The following AQP1 variants were observed in gnomAD, a reference collection of about 807,000 sequenced individuals.
The protein encoded by AQP1 is aquaporin-1.
AQP1 carries 11 observed loss-of-function variants against 19.7 expected under a neutral mutation model. The ratio of observed to expected loss-of-function variants is 0.56; its 90% CI spans 0.35 to 0.92. AQP1 has a LOEUF of 0.92. Among genes scored for constraint, AQP1 ranks in the 40% least tolerant of loss-of-function variants. AQP1 has a pLI of 0.01. For missense variants in AQP1, 320 were observed against 369.7 expected, an observed-to-expected ratio of 0.87 and a Z score of 1.10; for synonymous variants, 159 against 166.7, an observed-to-expected ratio of 0.95 and a Z score of 0.36.
At chr7:30,917,336 C>T (rs1457412894) in intron 1 of AQP1, among the ~76,000 whole-genome samples, 3 of 152,168 alleles carry the variant, frequency 2.0e-5, no homozygotes, top group Admixed American at 6.5e-5. Context: ...GGGGATTCCT[C>T]AATGGAGCCT....
rs1239350958 is a variant in AQP1 at position 30,912,638 on chromosome 7, A to G, written c.384+345A>G. ...CCTTCTCAGTCCTGCCTGTGCCGCCAGCTCCCTCCTCCTGCAGCCCTGCAC... is the reference window on the plus strand; with the variant it reads ...CCTTCTCAGTCCTGCCTGTGCCGCCGGCTCCCTCCTCCTGCAGCCCTGCAC... On this transcript the variant is annotated intron_variant, in intron 1 of 3. Coordinates refer to ENST00000311813, the MANE Select transcript of AQP1 (RefSeq NM_198098.4). The surrounding 1 kb of genome is among the most constrained non-coding windows in gnomAD (Gnocchi z 4.3). 6.6e-6 allele frequency among the ~76,000 whole-genome samples: 1 copy of G among 152,044 alleles called. No individual in the cohort carries two copies. Among genetic ancestry groups the G allele is most frequent in the African/African-American group, 2.4e-5 (1 of 41,390 alleles).
At position 30,924,057 on chromosome 7, in the gene AQP1, C is replaced by T. The variant is rs1269580658; in HGVS notation, c.*428C>T. On this transcript the variant is annotated 3_prime_UTR_variant, in exon 4 of 4. Coordinates refer to ENST00000311813, the MANE Select transcript of AQP1 (RefSeq NM_198098.4). The stretch of plus-strand genomic sequence containing the variant: ...GCCCTCCTTCTTTTCCTAACATGCA[C>T]CTTGCTCCCAATGGTGCTTGGAGGG... 4 of 1,252,788 alleles carry T rather than the reference C, an allele frequency of 3.2e-6. No homozygotes were observed. The highest frequency in any genetic ancestry group is 2.8e-5 in the South Asian group (2 of 72,690). 77.6% of individuals were successfully genotyped at this position (1,252,788 alleles called of 1,614,324 possible).
Position 30,912,994 on chromosome 7 carries a change from G to A in AQP1, c.384+701G>A, listed in dbSNP as rs1041479179. The stretch of plus-strand genomic sequence containing the variant: ...GGCGTGTGTGTGCATGTGCGTGTGC[G>A]TGTGTGTGTGTGAAGGTGTGTATGT... On this transcript the variant is annotated intron_variant, in intron 1 of 3. Transcript: ENST00000311813. This position sits in a 1 kb window ranked among gnomAD's most constrained non-coding sequence, Gnocchi z 4.3. Among the ~76,000 whole-genome samples, 3 of 151,596 alleles carry A rather than the reference G, an allele frequency of 2.0e-5. No homozygotes were observed. The highest frequency in any genetic ancestry group is 6.6e-5 in the Admixed American group (1 of 15,222).
rs532921488 is a variant in AQP1 at position 30,920,017 on chromosome 7, G to A, written c.385-2049G>A. ...CCCCTTCCCAAGGACTCAGAGTACA[G>A]GGCCTGGAACTATCACCCTCTGCTC... On this transcript the variant is annotated intron_variant, in intron 1 of 3. Coordinates refer to ENST00000311813, the MANE Select transcript of AQP1 (RefSeq NM_198098.4). 1.2e-4 allele frequency among the ~76,000 whole-genome samples: 18 copies of A among 152,272 alleles called. No homozygotes were observed. In the East Asian group the frequency reaches 2.5e-3, roughly 21 times the overall value.
chr7:30,921,517 G>A lies in AQP1; in HGVS notation c.385-549G>A, dbSNP rs976937684. On this transcript the variant is annotated intron_variant, in intron 1 of 3. Coordinates refer to ENST00000311813, the MANE Select transcript of AQP1 (RefSeq NM_198098.4). ...GAGGGTGGAGACAATAGGGAGGCAGGCACAGAGGAGAAAGAGGGGTGGAGG... is the reference window on the plus strand; with the variant it reads ...GAGGGTGGAGACAATAGGGAGGCAGACACAGAGGAGAAAGAGGGGTGGAGG... 2.5e-5 allele frequency: 38 copies of A among 1,512,616 alleles called. No individual in the cohort carries two copies. In the African/African-American group the frequency reaches 4.7e-4, roughly 19 times the overall value. 93.7% of individuals were successfully genotyped at this position (1,512,616 alleles called of 1,614,324 possible). A position where few individuals can be genotyped will look rare whatever the true frequency, so the allele number is the denominator to read the frequency against.
At position 30,912,106 on chromosome 7, in the gene AQP1, G is replaced by A; in HGVS notation, c.197G>A (p.Ser66Asn). The A allele has an allele frequency of 6.2e-7, 1 of 1,613,284 alleles. No homozygotes were observed. Among genetic ancestry groups the A allele is most frequent in the Non-Finnish European group, 8.5e-7 (1 of 1,180,038 alleles). The change falls in exon 1 of 4, where the codon AGT (serine) becomes AAT (asparagine). Residue 66 changes from serine (S) to asparagine (N), a missense_variant. Transcript: ENST00000311813. The surrounding 1 kb of genome is among the most constrained non-coding windows in gnomAD (Gnocchi z 4.3). ...CTGAGCATCGCCACGCTGGCGCAGA[G>A]TGTGGGCCACATCAGCGGCGCCCAC... is the stretch of plus-strand genomic sequence containing the variant. ...FGLSIATLAQ[S>N]VGHISGAHLN... is the part of the protein sequence containing the mutation.
Position 30,912,003 on chromosome 7 carries a change from G to T in AQP1, c.94G>T (p.Ala32Ser), listed in dbSNP as rs1193745061. 6.2e-7 allele frequency: 1 copy of T among 1,613,540 alleles called. No individual in the cohort carries two copies. The highest frequency in any genetic ancestry group is 8.5e-7 in the Non-Finnish European group (1 of 1,180,048). ...TLFVFISIGSALGFKYPVGNN... is the reference protein window; with the variant it reads ...TLFVFISIGSSLGFKYPVGNN... ...CTTTGTCTTCATCAGCATCGGTTCT[G>T]CCCTGGGCTTCAAATACCCGGTGGG... Residue 32 changes from alanine to serine, a missense_variant, in exon 1 of 4, where the codon GCC becomes TCC. By Grantham distance (99) the Ala-to-Ser change is moderately conservative. Coordinates refer to ENST00000311813, the MANE Select transcript of AQP1 (RefSeq NM_198098.4). This position sits in a 1 kb window ranked among gnomAD's most constrained non-coding sequence, Gnocchi z 4.3.
intron 1 of AQP1, among the ~76,000 whole-genome samples, chr7:30,918,958 G>A (rs143671619): frequency 3.3e-5 from 5 of 152,276 alleles, no homozygotes; most frequent in African/African-American, 4.8e-5. Context: ...CAGCCTCTGC[G>A]TCATCATCTC....
In AQP1 at chr7:30,923,631, A is replaced by C. The variant is rs752645594; in HGVS notation, c.*2A>C. The C allele has an allele frequency of 1.1e-5, 15 of 1,350,918 alleles. No homozygotes were observed. The highest frequency in any genetic ancestry group is 2.4e-5 in the South Asian group (2 of 84,786). 83.7% of individuals were successfully genotyped at this position (1,350,918 alleles called of 1,614,324 possible). A position where few individuals can be genotyped will look rare whatever the true frequency, so the allele number is the denominator to read the frequency against. On this transcript the variant is annotated 3_prime_UTR_variant, in exon 4 of 4. Coordinates refer to ENST00000311813, the MANE Select transcript of AQP1 (RefSeq NM_198098.4). The surrounding 1 kb of genome is among the most constrained non-coding windows in gnomAD (Gnocchi z 4.8). ...AGGGTGGAGATGAAGCCCAAATAGA[A>C]GGGGTCTGGCCCGGGCATCCACGTA...
At chr7:30,922,291 C>A in intron 2 of AQP1, 61 bp downstream of exon 2, 1 of 1,530,884 alleles carries the variant, frequency 6.5e-7, no homozygotes, top group South Asian at 1.2e-5. Context: ...TGGTGGGGTG[C>A]CCTGCCATGG....
intron 1 of AQP1, among the ~76,000 whole-genome samples, chr7:30,915,072 C>G (rs1284973404): frequency 1.3e-5 from 2 of 152,210 alleles, no homozygotes; most frequent in African/African-American, 4.8e-5. Context: ...GGCCCTAGTT[C>G]CTGTCTATGA....
Position 30,922,101 on chromosome 7 carries a change from C to T in AQP1, c.420C>T (p.Gly140=). Reference sequence around the variant, plus strand: ...GTGTGAACTCGGGCCAGGGCCTGGGCATCGAGATCATCGGGACCCTCCAGC... The same window carrying T: ...GTGTGAACTCGGGCCAGGGCCTGGGTATCGAGATCATCGGGACCCTCCAGC... The part of the protein sequence containing the change: ...ADGVNSGQGL[G]IEIIGTLQLV... The change falls in exon 2 of 4, where the codon GGC becomes GGT. Residue 140 remains glycine, a synonymous_variant. Coordinates refer to ENST00000311813, the MANE Select transcript of AQP1 (RefSeq NM_198098.4). 2.5e-6 allele frequency: 4 copies of T among 1,614,104 alleles called. No individual in the cohort carries two copies. Among genetic ancestry groups the T allele is most frequent in the Middle Eastern group, 3.3e-4 (2 of 6,062 alleles).
chr7:30,923,516 C>T lies in AQP1; in HGVS notation c.697C>T (p.Pro233Ser). Reference protein sequence around the residue: ...AVLIYDFILAPRSSDLTDRVK... With the variant: ...AVLIYDFILASRSSDLTDRVK... The stretch of plus-strand genomic sequence containing the variant: ...ACTCATCTACGACTTCATCCTGGCC[C>T]CACGCAGCAGTGACCTCACAGACCG... Residue 233 changes from proline (P) to serine (S), a missense_variant, in exon 4 of 4, where the codon CCA becomes TCA. By Grantham distance (74) the Pro-to-Ser change is moderately conservative. Transcript: ENST00000311813. This position sits in a 1 kb window ranked among gnomAD's most constrained non-coding sequence, Gnocchi z 4.8. The T allele has an allele frequency of 6.2e-7, 1 of 1,614,132 alleles. No individual in the cohort carries two copies. Among genetic ancestry groups the T allele is most frequent in the South Asian group, 1.1e-5 (1 of 91,080 alleles).
rs1339553327 is a variant in AQP1 at position 30,923,714 on chromosome 7, ACT to A, written c.*88_*89del. On this transcript the variant is annotated 3_prime_UTR_variant, in exon 4 of 4. Transcript: ENST00000311813. This position sits in a 1 kb window ranked among gnomAD's most constrained non-coding sequence, Gnocchi z 4.8. ...GAGGGGTGAAATCCATACTGTAGAC[ACT>A]CTGACAAGCTGGCCAAAGTCACTTC... 3 of 1,508,654 alleles carry A rather than the reference ACT, an allele frequency of 2.0e-6. No homozygotes were observed. The highest frequency in any genetic ancestry group is 2.7e-6 in the Non-Finnish European group (3 of 1,125,286). The allele number at this position is 1,508,654 out of a possible 1,614,324, so 93.5% of individuals were successfully genotyped here.
rs1791606343 is a variant in AQP1, at chr7:30,923,951, C to T, written c.*322C>T. ...GATGGGAGGTGTGCCAGAAAGTCCC[C>T]CCTCGCCCCAAAGTTGCTCACCGAC... On this transcript the variant is annotated 3_prime_UTR_variant, in exon 4 of 4. Transcript: ENST00000311813. This position sits in a 1 kb window ranked among gnomAD's most constrained non-coding sequence, Gnocchi z 4.8. 1 of 1,416,028 alleles carries T rather than the reference C, an allele frequency of 7.1e-7. No homozygotes were observed. The highest frequency in any genetic ancestry group is 3.6e-5 in the East Asian group (1 of 27,410). The allele number at this position is 1,416,028 out of a possible 1,614,324, so 87.7% of individuals were successfully genotyped here.
intron 1 of AQP1, chr7:30,913,238 G>A (rs1296119178): frequency 6.6e-6 from 1 of 152,198 alleles, no homozygotes; most frequent in Non-Finnish European, 1.5e-5. Context: ...TGGCAAATTG[G>A]CCCTGGTGGC....
At chr7:30,920,215 A>G (rs754197487) in intron 1 of AQP1, among the ~76,000 whole-genome samples, 26 of 152,176 alleles carry the variant, frequency 1.7e-4, no homozygotes, top group Non-Finnish European at 2.5e-4. Flanking sequence ...TCATCGGGGA[A>G]GGGCTGGTTT....
rs373652391 is a variant in AQP1 at position 30,924,081 on chromosome 7, G to C, written c.*452G>C. The C allele has an allele frequency of 4.1e-5, 50 of 1,211,346 alleles. 2 individuals carry two copies. The South Asian group carries it at 7.0e-4, about 17-fold the overall frequency. The allele number at this position is 1,211,346 out of a possible 1,614,324, so 75.0% of individuals were successfully genotyped here. A position where few individuals can be genotyped will look rare whatever the true frequency, so the allele number is the denominator to read the frequency against. On this transcript the variant is annotated 3_prime_UTR_variant, in exon 4 of 4. Coordinates refer to ENST00000311813, the MANE Select transcript of AQP1 (RefSeq NM_198098.4). ...ACCTTGCTCCCAATGGTGCTTGGAG[G>C]GGGAAGAGATCCCAGGAGGTGCAGT... is the stretch of plus-strand genomic sequence containing the variant.
At chr7:30,922,920 G>A (rs11982086) in intron 3 of AQP1, among the ~76,000 whole-genome samples, 3,327 of 152,310 alleles carry the variant, frequency 0.022, 129 homozygotes, top group African/African-American at 0.076. Flanking sequence ...CCAAATCCTG[G>A]CTCAGCCACT....
Sources: allele counts gnomAD v4.1 joint callset (sites outside exome capture counted in the v4.1 genomes callset), GRCh38; gene constraint gnomAD v4.1.1; non-coding constraint Gnocchi (gnomAD v3.1); transcripts MANE v1.5; gene names NCBI Gene and HGNC (gene_info 2026-07-23, HGNC 2026-07-21).